The following ZNF736 variants were observed in gnomAD, a reference collection of about 807,000 sequenced individuals.
The protein encoded by ZNF736 is KRAB-containing zinc-finger repressor protein.
Under a neutral mutation model 11.7 loss-of-function variants are expected in ZNF736, and 6 were observed. The ratio of observed to expected loss-of-function variants is 0.51; its 90% CI spans 0.28 to 1.01. The LOEUF (loss-of-function observed/expected upper bound fraction) is 1.01, where lower values mean the gene tolerates loss of function less well. Ranked by LOEUF, ZNF736 falls within the 50% of genes least tolerant of loss-of-function variation. The probability of loss-of-function intolerance (pLI) is 0.09; values close to 1 mark genes in which losing one functional copy is unlikely to be tolerated. For missense variants in ZNF736, 444 were observed against 496.0 expected (o/e 0.90, Z 1.00); for synonymous variants, 139 against 164.7 (o/e 0.84, Z 1.19).
intron 1 of ZNF736, among the ~76,000 whole-genome samples, chr7:64,319,805 TTTAC>T (rs56235706): frequency 0.34 from 51,136 of 151,592 alleles, 9,249 homozygotes; most frequent in African/African-American, 0.48. Flanking sequence ...AAAACATTTC[TTTAC>T]TTGTCTTTTT....
intron 1 of ZNF736, among the ~76,000 whole-genome samples, chr7:64,330,375 T>G (rs1215882243): frequency 6.6e-6 from 1 of 151,996 alleles, no homozygotes; most frequent in Non-Finnish European, 1.5e-5. Context: ...GCCAGGATGG[T>G]CTCCATCTCC....
intron 3 of ZNF736, among the ~76,000 whole-genome samples, chr7:64,341,312 CT>C (rs72101540): frequency 0.31 from 45,956 of 148,648 alleles, 7,162 homozygotes; most frequent in African/African-American, 0.34. Flanking sequence ...TGTTTTCTGT[CT>C]TTTTTTTTTA....
chr7:64,334,025 C>G (rs535440152), intron 1 of ZNF736, among the ~76,000 whole-genome samples: 2 of 152,164 alleles, frequency 1.3e-5, no homozygotes, highest in South Asian at 4.1e-4. Flanking sequence ...ACAAACCTGA[C>G]AAAAATAAGC....
At position 64,356,290 on chromosome 7, in the gene ZNF736, C is replaced by G. The variant is rs1361761050; in HGVS notation, c.*7143C>G. 1 of 152,074 alleles carries G rather than the reference C, an allele frequency of 6.6e-6. No individual in the cohort carries two copies. The highest frequency in any genetic ancestry group is 2.4e-5 in the African/African-American group (1 of 41,406). 9.4% of individuals were successfully genotyped at this position (152,074 alleles called of 1,614,324 possible). On this transcript the variant is annotated 3_prime_UTR_variant, in exon 4 of 4. Transcript: ENST00000423484. ...TTTCTTTAATCTTTAAGTTTTACTA[C>G]TGAAGGCCAGAATAGATTTTTTTCT...
At position 64,350,493 on chromosome 7, in the gene ZNF736, T is replaced by C. The variant is rs1789471197; in HGVS notation, c.*1346T>C. 1 of 152,236 alleles carries C rather than the reference T, an allele frequency of 6.6e-6. No homozygotes were observed. The highest frequency in any genetic ancestry group is 1.5e-5 in the Non-Finnish European group (1 of 68,040). 9.4% of individuals were successfully genotyped at this position (152,236 alleles called of 1,614,324 possible). A position where few individuals can be genotyped will look rare whatever the true frequency, so the allele number is the denominator to read the frequency against. On this transcript the variant is annotated 3_prime_UTR_variant, in exon 4 of 4. Coordinates refer to ENST00000423484, the MANE Select transcript of ZNF736 (RefSeq NM_001170905.3). ...CCTTGCATTGGGTTGCAAATTACTT[T>C]TGTAACTCAGTGAAGTTTGTTTCTA...
chr7:64,328,006 A>G (rs1789105314), intron 1 of ZNF736, among the ~76,000 whole-genome samples: 1 of 152,322 alleles, frequency 6.6e-6, no homozygotes, highest in South Asian at 2.1e-4. Flanking sequence ...ATTACTTTTC[A>G]TAATTACAAG....
intron 1 of ZNF736, among the ~76,000 whole-genome samples, chr7:64,323,363 G>A (rs1789027846): frequency 6.6e-6 from 1 of 152,036 alleles, no homozygotes; most frequent in East Asian, 1.9e-4. Flanking sequence ...ATTTCAATAG[G>A]TTCTGTGCTC....
intron 1 of ZNF736, among the ~76,000 whole-genome samples, chr7:64,330,462 G>C (rs1303185644): frequency 6.6e-6 from 1 of 151,952 alleles, no homozygotes; most frequent in Non-Finnish European, 1.5e-5. Context: ...CGGCTGGGAA[G>C]TGGGTTTTTT....
intron 3 of ZNF736, among the ~76,000 whole-genome samples, chr7:64,341,387 G>T (rs750782321): frequency 1.3e-5 from 2 of 151,810 alleles, no homozygotes; most frequent in Non-Finnish European, 2.9e-5. Context: ...AATATTTAAA[G>T]ACTTGCTTAA....
At position 64,317,084 on chromosome 7, in the gene ZNF736, C is replaced by A. The variant is rs1562665978; in HGVS notation, c.3+2931C>A. ...GGAGAATTTGTGACAGTGGCCAACT[C>A]ATTTTTTTAAAAAATTTCTACTTTG... On this transcript the variant is annotated intron_variant, in intron 1 of 3. Transcript: ENST00000423484. 5.3e-5 allele frequency among the ~76,000 whole-genome samples: 8 copies of A among 152,282 alleles called. No homozygotes were observed. The South Asian group carries it at 1.7e-3, about 32-fold the overall frequency.
At position 64,313,974 on chromosome 7, in the gene ZNF736, T is replaced by A. The variant is rs1376398147; in HGVS notation, c.-177T>A. ...ACAGAGGAAGAGGCGGCCTCTTCAA[T>A]ATGGCGGGGCCTTTGTCTCCTAGCT... On this transcript the variant is annotated 5_prime_UTR_variant, in exon 1 of 4. Coordinates refer to ENST00000423484, the MANE Select transcript of ZNF736 (RefSeq NM_001170905.3). 1.3e-6 allele frequency: 1 copy of A among 790,112 alleles called. No individual in the cohort carries two copies. Among genetic ancestry groups the A allele is most frequent in the Admixed American group, 2.4e-5 (1 of 41,978 alleles). 48.9% of individuals were successfully genotyped at this position (790,112 alleles called of 1,614,324 possible). A position where few individuals can be genotyped will look rare whatever the true frequency, so the allele number is the denominator to read the frequency against.
At chr7:64,334,186 GA>G (rs1185058630) in intron 1 of ZNF736, among the ~76,000 whole-genome samples, 1 of 152,068 alleles carries the variant, frequency 6.6e-6, no homozygotes, top group Non-Finnish European at 1.5e-5. Flanking sequence ...CTAAAACCAT[GA>G]AAACTCTAGA....
rs1789543767 is a variant in ZNF736 at position 64,355,619 on chromosome 7, T to G, written c.*6472T>G. 6.6e-6 allele frequency: 1 copy of G among 152,186 alleles called. No homozygotes were observed. The highest frequency in any genetic ancestry group is 2.4e-5 in the African/African-American group (1 of 41,432). 9.4% of individuals were successfully genotyped at this position (152,186 alleles called of 1,614,324 possible). On this transcript the variant is annotated 3_prime_UTR_variant, in exon 4 of 4. Transcript: ENST00000423484. Reference sequence around the variant, plus strand: ...GGATGGTCTTGATCTCCTGACCTCATGATCCACCCACCTCAGCCTTCCAAA... The same window carrying G: ...GGATGGTCTTGATCTCCTGACCTCAGGATCCACCCACCTCAGCCTTCCAAA...
At chr7:64,319,472 T>A (rs1788970915) in intron 1 of ZNF736, among the ~76,000 whole-genome samples, 4 of 134,614 alleles carry the variant, frequency 3.0e-5, no homozygotes, top group South Asian at 2.3e-4. Context: ...CCCAGGTAAA[T>A]AGAAAACATT....
At chr7:64,325,970 A>C (rs1181889569) in intron 1 of ZNF736, among the ~76,000 whole-genome samples, 1 of 152,194 alleles carries the variant, frequency 6.6e-6, no homozygotes, top group Non-Finnish European at 1.5e-5. Context: ...TACCCGGTTA[A>C]TTTAAGATGA....
At chr7:64,328,954 TA>T (rs1467307203) in intron 1 of ZNF736, among the ~76,000 whole-genome samples, 98 of 34,362 alleles carry the variant, frequency 2.9e-3, no homozygotes, top group Middle Eastern at 0.033. Context: ...CTCTTGAGGC[TA>T]TTTTTTTTTT....
rs1187066176 is a variant in ZNF736, at chr7:64,337,746, GT to G, written c.226+772del. On this transcript the variant is annotated intron_variant, in intron 3 of 3. Coordinates refer to ENST00000423484, the MANE Select transcript of ZNF736 (RefSeq NM_001170905.3). ...TATTTTTTTTGTTTTGTTTTGTTTTGTTTTTTTTGGTTTTTTTTTTTTTTTG... is the reference window on the plus strand; with the variant it reads ...TATTTTTTTTGTTTTGTTTTGTTTTGTTTTTTTGGTTTTTTTTTTTTTTTG... Among the ~76,000 whole-genome samples, 27 of 79,358 alleles carry G rather than the reference GT, an allele frequency of 3.4e-4. 2 individuals carry two copies. Among genetic ancestry groups the G allele is most frequent in the Admixed American group, 2.8e-3 (20 of 7,126 alleles). The allele number at this position is 79,358 out of a possible 152,430, so 52.1% of individuals were successfully genotyped here.
intron 1 of ZNF736, among the ~76,000 whole-genome samples, chr7:64,328,294 A>G (rs1398288958): frequency 2.0e-5 from 3 of 149,216 alleles, no homozygotes; most frequent in Admixed American, 6.7e-5. Context: ...TGCTGGATGT[A>G]TTATTCTAGG....
In ZNF736 at chr7:64,350,536, ACTT is replaced by A. The variant is rs1391705837; in HGVS notation, c.*1392_*1394del. 6.6e-6 allele frequency: 1 copy of A among 151,946 alleles called. No individual in the cohort carries two copies. Among genetic ancestry groups the A allele is most frequent in the African/African-American group, 2.4e-5 (1 of 41,352 alleles). The allele number at this position is 151,946 out of a possible 1,614,324, so 9.4% of individuals were successfully genotyped here. A position where few individuals can be genotyped will look rare whatever the true frequency, so the allele number is the denominator to read the frequency against. Reference sequence around the variant, plus strand: ...TGTTTCTACCCATATTCTGAATTCTACTTCTGTCATCTTAGGCCTTGCTGGAAA... The same window carrying A: ...TGTTTCTACCCATATTCTGAATTCTACTGTCATCTTAGGCCTTGCTGGAAA... On this transcript the variant is annotated 3_prime_UTR_variant, in exon 4 of 4. Transcript: ENST00000423484.
Sources: gnomAD v4.1 joint callset for allele counts (sites outside exome capture counted in the v4.1 genomes callset) on GRCh38, gnomAD v4.1.1 for gene constraint, MANE v1.5 for transcripts, NCBI Gene and HGNC (gene_info 2026-07-23, HGNC 2026-07-21) for gene names.